The following PPP6R3 variants were observed in gnomAD, a reference collection of about 807,000 sequenced individuals.
PPP6R3 encodes the protein protein phosphatase 6 regulatory subunit 3.
A neutral mutation model predicts 110.7 loss-of-function variants in PPP6R3; 38 were observed. The ratio of observed to expected loss-of-function variants is 0.34; its 90% CI spans 0.26 to 0.45. PPP6R3 has a LOEUF of 0.45. PPP6R3 is among the 20% of genes least tolerant of loss of function. The pLI, the probability that PPP6R3 is intolerant of heterozygous loss-of-function variation, is 1.00. For synonymous variants in PPP6R3, 369 were observed against 373.5 expected, an observed-to-expected ratio of 0.99 and a Z score of 0.14; for missense variants, 870 against 1,062.4, an observed-to-expected ratio of 0.82 and a Z score of 2.52.
At chr11:68,496,965 C>T (rs1185895213) in intron 1 of PPP6R3, among the ~76,000 whole-genome samples, 9 of 150,306 alleles carry the variant, frequency 6.0e-5, no homozygotes, top group African/African-American at 1.5e-4. Flanking sequence ...AGGTTCACGC[C>T]GTTCTCTTGC....
At chr11:68,573,114 T>TTATTTATATATATATA (rs2099514531) in intron 12 of PPP6R3, among the ~76,000 whole-genome samples, 2 of 61,796 alleles carry the variant, frequency 3.2e-5, no homozygotes, top group African/African-American at 7.6e-5. Flanking sequence ...TTTACTTATT[T>TTATTTATATATATATA]TATATATATA....
chr11:68,569,853 A>G lies in PPP6R3; in HGVS notation c.1234A>G (p.Ile412Val), dbSNP rs749398497. Residue 412 changes from isoleucine (I) to valine (V), a missense_variant, in exon 11 of 24, where the codon ATT becomes GTT. Ile to Val is a conservative substitution (Grantham distance 29, BLOSUM62 3). Coordinates refer to ENST00000393800, the MANE Select transcript of PPP6R3 (RefSeq NM_001164161.2). ...TTTTGAAAACACAGAAAATGCCACAATTACCGATCAAGACTCCACTGGTGA... is the reference window on the plus strand; with the variant it reads ...TTTTGAAAACACAGAAAATGCCACAGTTACCGATCAAGACTCCACTGGTGA... ...SPFENTENATITDQDSTGDNL... is the reference protein window; with the variant it reads ...SPFENTENATVTDQDSTGDNL... 14 of 1,612,496 alleles carry G rather than the reference A, an allele frequency of 8.7e-6. No individual in the cohort carries two copies. The highest frequency in any genetic ancestry group is 1.1e-5 in the Non-Finnish European group (13 of 1,178,962).
In PPP6R3 at chr11:68,544,928, A is replaced by G. The variant is rs775647117; in HGVS notation, c.318A>G (p.Leu106=). The G allele has an allele frequency of 3.1e-6, 5 of 1,604,544 alleles. No individual in the cohort carries two copies. In the South Asian group the frequency reaches 5.5e-5, roughly 18 times the overall value. ...AAGATGAATCCTTGCTAATGAAATT[A>G]TATAGCTTCCTCCTAAACGATTCCC... ...LGEDESLLMK[L]YSFLLNDSPL... Residue 106 remains leucine (L), a synonymous_variant, in exon 4 of 24, where the codon TTA becomes TTG. Transcript: ENST00000393800.
At chr11:68,525,265 T>A (rs1332012406) in intron 2 of PPP6R3, among the ~76,000 whole-genome samples, 2 of 152,216 alleles carry the variant, frequency 1.3e-5, no homozygotes, top group African/African-American at 4.8e-5. Flanking sequence ...GGCAGTATGG[T>A]AGGCACCTAA....
At chr11:68,612,556 G>T (rs1594207450) in intron 23 of PPP6R3, among the ~76,000 whole-genome samples, 1 of 150,698 alleles carries the variant, frequency 6.6e-6, no homozygotes, top group African/African-American at 2.4e-5. Context: ...TGTGGGACAT[G>T]TTCTTCAAGT....
intron 2 of PPP6R3, among the ~76,000 whole-genome samples, chr11:68,533,703 T>TCAAA (rs2099253717): frequency 3.6e-5 from 1 of 27,652 alleles, no homozygotes; most frequent in Non-Finnish European, 6.5e-5. Flanking sequence ...AGACCTTGTC[T>TCAAA]CAAAAAAAAA....
rs185231308 is a variant in PPP6R3, at chr11:68,613,821, G to A, written c.*704G>A. The A allele has an allele frequency of 6.1e-6, 6 of 984,890 alleles. No homozygotes were observed. The highest frequency in any genetic ancestry group is 1.1e-4 in the East Asian group (1 of 8,796). 61.0% of individuals were successfully genotyped at this position (984,890 alleles called of 1,614,324 possible). A position where few individuals can be genotyped will look rare whatever the true frequency, so the allele number is the denominator to read the frequency against. On this transcript the variant is annotated 3_prime_UTR_variant, in exon 24 of 24. Coordinates refer to ENST00000393800, the MANE Select transcript of PPP6R3 (RefSeq NM_001164161.2). ...TCGTAAAGCCATATGTTCTGTTCAA[G>A]TCTTGTTTGCTTGAAATGATTATTC...
At chr11:68,609,540 A>G in intron 22 of PPP6R3, 1 of 1,506,336 alleles carries the variant, frequency 6.6e-7, no homozygotes, top group Non-Finnish European at 9.0e-7. Flanking sequence ...TATTCCCCCA[A>G]ATTCCTCATT....
intron 1 of PPP6R3, among the ~76,000 whole-genome samples, chr11:68,469,541 T>C (rs2098774473): frequency 7.2e-6 from 1 of 138,134 alleles, no homozygotes; most frequent in African/African-American, 2.6e-5. Flanking sequence ...ACCCAGGTAA[T>C]TTTTTTTTTT....
chr11:68,575,977 G>A lies in PPP6R3; in HGVS notation c.1479G>A (p.Arg493=). The change falls in exon 14 of 24, where the codon AGG becomes AGA. Residue 493 remains arginine, a synonymous_variant. Coordinates refer to ENST00000393800, the MANE Select transcript of PPP6R3 (RefSeq NM_001164161.2). The part of the protein sequence containing the change: ...QLIKDLPDEV[R]ERWETFCTSS... ...CTGAAGATCTTCCCGACGAAGTCAGGGAACGATGGGAGACGTTCTGCACAA... is the reference window on the plus strand; with the variant it reads ...CTGAAGATCTTCCCGACGAAGTCAGAGAACGATGGGAGACGTTCTGCACAA... 1.2e-6 allele frequency: 2 copies of A among 1,611,598 alleles called. No homozygotes were observed. The highest frequency in any genetic ancestry group is 1.7e-6 in the Non-Finnish European group (2 of 1,178,398).
chr11:68,469,914 T>C (rs946885332), intron 1 of PPP6R3, among the ~76,000 whole-genome samples: 1 of 152,174 alleles, frequency 6.6e-6, no homozygotes, highest in Non-Finnish European at 1.5e-5. Flanking sequence ...TACTTTATGG[T>C]GTTGCAAAGT....
intron 4 of PPP6R3, among the ~76,000 whole-genome samples, chr11:68,547,094 A>G (rs2099352241): frequency 6.6e-6 from 1 of 152,174 alleles, no homozygotes; most frequent in South Asian, 2.1e-4. Flanking sequence ...TCTGGCTATT[A>G]GACTTCATGT....
rs140404978 is a variant in PPP6R3, at chr11:68,521,513, A to G, written c.-7+1862A>G. On this transcript the variant is annotated intron_variant, in intron 2 of 23. Transcript: ENST00000393800. ...CTCCTTTTACACATCTCTGCTCGTC[A>G]GCATGCTGTCCTACACTAGAGTGAA... Among the ~76,000 whole-genome samples the G allele has an allele frequency of 2.8e-3, 423 of 152,276 alleles. 2 individuals carry two copies. Among genetic ancestry groups the G allele is most frequent in the African/African-American group, 9.7e-3 (403 of 41,534 alleles).
chr11:68,568,393 T>C (rs900645910), intron 10 of PPP6R3, among the ~76,000 whole-genome samples: 3 of 152,206 alleles, frequency 2.0e-5, no homozygotes, highest in African/African-American at 7.2e-5. Context: ...TTGATGAGAC[T>C]ACTGGAGGAG....
intron 11 of PPP6R3, among the ~76,000 whole-genome samples, chr11:68,570,763 C>A (rs2099501071): frequency 6.6e-6 from 1 of 152,176 alleles, no homozygotes; most frequent in Non-Finnish European, 1.5e-5. Flanking sequence ...GCTAATAAAA[C>A]CTGGCTTTCC....
chr11:68,614,759 C>T lies in PPP6R3; in HGVS notation c.*1642C>T. 1.3e-6 allele frequency: 2 copies of T among 1,541,190 alleles called. No individual in the cohort carries two copies. Among genetic ancestry groups the T allele is most frequent in the Non-Finnish European group, 1.8e-6 (2 of 1,139,924 alleles). ...CCCCCTTTCCCGGGTGAGCCCCTCT[C>T]TGAAGAGACTGTCCTTGGGCCTCCT... On this transcript the variant is annotated 3_prime_UTR_variant, in exon 24 of 24. Transcript: ENST00000393800.
At chr11:68,519,218 A>G (rs1216567327) in intron 1 of PPP6R3, among the ~76,000 whole-genome samples, 1 of 152,228 alleles carries the variant, frequency 6.6e-6, no homozygotes, top group Non-Finnish European at 1.5e-5. Context: ...GACAAAGGTA[A>G]GAATATGTAT....
intron 2 of PPP6R3, among the ~76,000 whole-genome samples, chr11:68,535,995 T>C (rs907218797): frequency 6.6e-6 from 1 of 152,058 alleles, no homozygotes; most frequent in East Asian, 1.9e-4. Flanking sequence ...ACTCTGCCTA[T>C]ATTTTAAATT....
intron 3 of PPP6R3, among the ~76,000 whole-genome samples, chr11:68,542,394 T>TTTTTTGTTTTTTTG (rs1440408068): frequency 8.4e-5 from 8 of 95,754 alleles, no homozygotes; most frequent in East Asian, 5.7e-4. Flanking sequence ...CTGCTGTTTT[T>TTTTTTGTTTTTTTG]TTTTTTTTTT....
Sources: gnomAD v4.1 joint callset for allele counts (sites outside exome capture counted in the v4.1 genomes callset) on GRCh38, gnomAD v4.1.1 for gene constraint, MANE v1.5 for transcripts, NCBI Gene and HGNC (gene_info 2026-07-23, HGNC 2026-07-21) for gene names.